The following ST6GALNAC3 variants were observed in gnomAD, a reference collection of about 807,000 sequenced individuals.
ST6GALNAC3 encodes ST6 N-acetylgalactosaminide alpha-2,6-sialyltransferase 3.
Under a neutral mutation model 32.7 loss-of-function variants are expected in ST6GALNAC3, and 25 were observed. The ratio of observed to expected loss-of-function variants is 0.76; its 90% confidence interval spans 0.56 to 1.07. ST6GALNAC3 has a LOEUF of 1.07. ST6GALNAC3 is among the 50% of genes least tolerant of loss of function. The probability of loss-of-function intolerance (pLI) is 0.00; values close to 1 mark genes in which losing one functional copy is unlikely to be tolerated. For synonymous variants in ST6GALNAC3, 129 were observed against 133.1 expected (o/e 0.97, Z 0.21); for missense variants, 355 against 382.4 (o/e 0.93, Z 0.60).
At chr1:76,335,278 A>T (rs1647371027) in intron 2 of ST6GALNAC3, among the ~76,000 whole-genome samples, 1 of 152,144 alleles carries the variant, frequency 6.6e-6, no homozygotes, top group Non-Finnish European at 1.5e-5. Flanking sequence ...TACTTTACAA[A>T]TTTTTGTTTT....
At chr1:76,575,162 G>C (rs562924385) in intron 3 of ST6GALNAC3, among the ~76,000 whole-genome samples, 5 of 152,262 alleles carry the variant, frequency 3.3e-5, no homozygotes, top group Admixed American at 2.6e-4. Context: ...TTTATATGCA[G>C]AGGAAATGGA....
chr1:76,437,401 A>C (rs114988302), intron 3 of ST6GALNAC3, among the ~76,000 whole-genome samples: 1 of 152,034 alleles, frequency 6.6e-6, no homozygotes, highest in African/African-American at 2.4e-5. Context: ...AGCCCTGTTC[A>C]GTAAGATTTT....
intron 2 of ST6GALNAC3, among the ~76,000 whole-genome samples, chr1:76,383,401 G>A (rs374494140): frequency 6.6e-6 from 1 of 151,370 alleles, no homozygotes; most frequent in African/African-American, 2.4e-5. Flanking sequence ...CTCCTAAGTA[G>A]CTAGGATTAC....
At chr1:76,504,263 C>T (rs1365706413) in intron 3 of ST6GALNAC3, among the ~76,000 whole-genome samples, 1 of 152,144 alleles carries the variant, frequency 6.6e-6, no homozygotes, top group Non-Finnish European at 1.5e-5. Flanking sequence ...TCCTTCTTCA[C>T]ATGGAATTTC....
intron 1 of ST6GALNAC3, among the ~76,000 whole-genome samples, chr1:76,085,743 G>A (rs528172376): frequency 2.0e-5 from 3 of 152,234 alleles, no homozygotes; most frequent in South Asian, 2.1e-4. Context: ...TCTGGGAACC[G>A]CACTTTGATT....
intron 1 of ST6GALNAC3, among the ~76,000 whole-genome samples, chr1:76,099,400 T>G (rs1301125130): frequency 6.6e-6 from 1 of 152,112 alleles, no homozygotes; most frequent in Non-Finnish European, 1.5e-5. Flanking sequence ...CACAAAAGAG[T>G]GGTACATGCA....
chr1:76,506,393 T>C lies in ST6GALNAC3; in HGVS notation c.623+93976T>C, dbSNP rs75816856. ...TTGGCCTAATGGTCACTTTTTTCTT[T>C]CAGTGGTCTGCTTAAGCAGATTTTA... On this transcript the variant is annotated intron_variant, in intron 3 of 4. Coordinates refer to ENST00000328299, the MANE Select transcript of ST6GALNAC3 (RefSeq NM_152996.4). 5.3e-4 allele frequency among the ~76,000 whole-genome samples: 80 copies of C among 152,328 alleles called. No individual in the cohort carries two copies. The East Asian group carries it at 9.3e-3, about 18-fold the overall frequency.
rs376628791 is a variant in ST6GALNAC3 at position 76,161,268 on chromosome 1, A to G, written c.18+86384A>G. ...TTGAGTGTAAAGTGTAAACTAAATTATCACTTAGCAGCCATGTTATTAAAG... is the reference window on the plus strand; with the variant it reads ...TTGAGTGTAAAGTGTAAACTAAATTGTCACTTAGCAGCCATGTTATTAAAG... On this transcript the variant is annotated intron_variant, in intron 1 of 4. Transcript: ENST00000328299. Among the ~76,000 whole-genome samples, 7 of 152,366 alleles carry G rather than the reference A, an allele frequency of 4.6e-5. No individual in the cohort carries two copies. The East Asian group carries it at 7.7e-4, about 17-fold the overall frequency.
At chr1:76,535,840 T>A (rs2101833786) in intron 3 of ST6GALNAC3, among the ~76,000 whole-genome samples, 1 of 152,086 alleles carries the variant, frequency 6.6e-6, no homozygotes, top group Middle Eastern at 3.4e-3. Flanking sequence ...GGTCGAGAGG[T>A]AAAGTTATTT....
At chr1:76,473,694 G>A (rs922360453) in intron 3 of ST6GALNAC3, among the ~76,000 whole-genome samples, 2 of 152,022 alleles carry the variant, frequency 1.3e-5, no homozygotes, top group Non-Finnish European at 2.9e-5. Context: ...AACATACATG[G>A]TGTGATACGG....
At chr1:76,244,928 AC>A (rs1657173570) in intron 1 of ST6GALNAC3, among the ~76,000 whole-genome samples, 1 of 147,992 alleles carries the variant, frequency 6.8e-6, no homozygotes, top group Admixed American at 6.7e-5. Context: ...TCTCTGCCAG[AC>A]ACAGGATGCT....
intron 3 of ST6GALNAC3, among the ~76,000 whole-genome samples, chr1:76,562,005 A>G (rs948346610): frequency 1.3e-5 from 2 of 152,204 alleles, no homozygotes; most frequent in Admixed American, 6.5e-5. Context: ...AAGACCAAAT[A>G]TTATATAATT....
intron 2 of ST6GALNAC3, among the ~76,000 whole-genome samples, chr1:76,323,994 G>A (rs918512013): frequency 6.6e-6 from 1 of 151,978 alleles, no homozygotes; most frequent in Non-Finnish European, 1.5e-5. Flanking sequence ...CAAGTAGTTG[G>A]GACAACAGGT....
At chr1:76,410,262 CT>C (rs780317268) in intron 2 of ST6GALNAC3, among the ~76,000 whole-genome samples, 10 of 152,134 alleles carry the variant, frequency 6.6e-5, no homozygotes, top group Non-Finnish European at 1.2e-4. Context: ...ATTGCTCTTC[CT>C]ATTCCTTTCC....
At chr1:76,113,115 C>T (rs1368014246) in intron 1 of ST6GALNAC3, among the ~76,000 whole-genome samples, 3 of 152,170 alleles carry the variant, frequency 2.0e-5, no homozygotes, top group Admixed American at 6.5e-5. Flanking sequence ...GCTGGCGGAT[C>T]ACTCGCGGTT....
chr1:76,186,944 G>A (rs1653593349), intron 1 of ST6GALNAC3, among the ~76,000 whole-genome samples: 1 of 152,180 alleles, frequency 6.6e-6, no homozygotes, highest in Non-Finnish European at 1.5e-5. Flanking sequence ...TGAGGCAACT[G>A]CTGCCATAAT....
chr1:76,591,596 T>C (rs1647049203), intron 3 of ST6GALNAC3, among the ~76,000 whole-genome samples: 2 of 152,186 alleles, frequency 1.3e-5, no homozygotes, highest in African/African-American at 2.4e-5. Flanking sequence ...AGGATAAAGA[T>C]GAATAAGACA....
intron 3 of ST6GALNAC3, among the ~76,000 whole-genome samples, chr1:76,593,784 C>G (rs1443779422): frequency 6.6e-6 from 1 of 152,170 alleles, no homozygotes; most frequent in Non-Finnish European, 1.5e-5. Context: ...GCTTTCAAAG[C>G]ACTCACACTG....
chr1:76,250,994 T>A (rs1361727072), intron 1 of ST6GALNAC3, among the ~76,000 whole-genome samples: 1 of 152,170 alleles, frequency 6.6e-6, no homozygotes, highest in African/African-American at 2.4e-5. Flanking sequence ...CGACCTTTCT[T>A]CTGGGCTTCA....
Sources: allele counts gnomAD v4.1 joint callset (sites outside exome capture counted in the v4.1 genomes callset), GRCh38; gene constraint gnomAD v4.1.1; transcripts MANE v1.5; gene names NCBI Gene and HGNC (gene_info 2026-07-23, HGNC 2026-07-21).